The following AGAP1 variants were observed in gnomAD, a reference collection of about 807,000 sequenced individuals.
AGAP1 encodes the protein arf-GAP with GTPase, ANK repeat and PH domain-containing protein 1.
AGAP1 carries 29 observed loss-of-function variants against 105.3 expected under a neutral mutation model. The observed-to-expected ratio is 0.28, with a 90% CI of 0.21 to 0.38. The LOEUF (loss-of-function observed/expected upper bound fraction) is 0.38, where lower values mean the gene tolerates loss of function less well. Ranked by LOEUF, AGAP1 falls within the 10% of genes least tolerant of loss-of-function variation. The probability of loss-of-function intolerance (pLI) is 1.00; values close to 1 mark genes in which losing one functional copy is unlikely to be tolerated. For synonymous variants in AGAP1, 509 were observed against 485.9 expected (o/e 1.05, Z -0.63); for missense variants, 998 against 1,165.1 (o/e 0.86, Z 2.09).
rs1331325089 is a variant in AGAP1, at chr2:235,855,982, C to T, written c.1051-27363C>T. Among the ~76,000 whole-genome samples, 1 of 152,112 alleles carries T rather than the reference C, an allele frequency of 6.6e-6. No individual in the cohort carries two copies. Among genetic ancestry groups the T allele is most frequent in the African/African-American group, 2.4e-5 (1 of 41,476 alleles). On this transcript the variant is annotated intron_variant, in intron 9 of 17. Coordinates refer to ENST00000304032, the MANE Select transcript of AGAP1 (RefSeq NM_001037131.3). The surrounding 1 kb of genome is among the most constrained non-coding windows in gnomAD (Gnocchi z 5.0). ...AGGCTGGAGTGCAATGGCATGATCT[C>T]GGCTCACTGCAACTTCTGCCTCCTG...
rs1234195916 is a variant in AGAP1, at chr2:235,741,650, G to A, written c.396+602G>A. Among the ~76,000 whole-genome samples, 1 of 151,932 alleles carries A rather than the reference G, an allele frequency of 6.6e-6. No homozygotes were observed. The highest frequency in any genetic ancestry group is 2.4e-5 in the African/African-American group (1 of 41,386). Reference sequence around the variant, plus strand: ...TCTCTTTTTTTGGTTTATTTAACCTGCTTTGTTTTACTTACAGCATAATTT... The same window carrying A: ...TCTCTTTTTTTGGTTTATTTAACCTACTTTGTTTTACTTACAGCATAATTT... On this transcript the variant is annotated intron_variant, in intron 4 of 17. Coordinates refer to ENST00000304032, the MANE Select transcript of AGAP1 (RefSeq NM_001037131.3). The surrounding 1 kb of genome is among the most constrained non-coding windows in gnomAD (Gnocchi z 4.9).
rs200021991 is a variant in AGAP1, at chr2:235,962,046, G to T, written c.1484-6416G>T. ...CTTCTGATGGATGCTTTTGGTTTTTGGTTTTGTTTTGTTTTGTTTTGTTTT... is the reference window on the plus strand; with the variant it reads ...CTTCTGATGGATGCTTTTGGTTTTTTGTTTTGTTTTGTTTTGTTTTGTTTT... On this transcript the variant is annotated intron_variant, in intron 12 of 17. Transcript: ENST00000304032. This position sits in a 1 kb window ranked among gnomAD's most constrained non-coding sequence, Gnocchi z 5.3. Among the ~76,000 whole-genome samples the T allele has an allele frequency of 1.3e-5, 2 of 150,528 alleles. No individual in the cohort carries two copies. The highest frequency in any genetic ancestry group is 6.6e-5 in the Admixed American group (1 of 15,142).
intron 9 of AGAP1, among the ~76,000 whole-genome samples, chr2:235,825,126 A>C (rs997221049): frequency 2.0e-5 from 3 of 152,276 alleles, no homozygotes; most frequent in Non-Finnish European, 4.4e-5. Context: ...TTGAGTGTGG[A>C]TAGAAGGAGA....
chr2:235,510,750 C>T (rs1221922135), intron 1 of AGAP1, among the ~76,000 whole-genome samples: 2 of 152,182 alleles, frequency 1.3e-5, no homozygotes, highest in Non-Finnish European at 2.9e-5. Context: ...CATTTGCCCT[C>T]TGTGTCTCTT....
chr2:236,099,889 A>G (rs1352158671), intron 16 of AGAP1, among the ~76,000 whole-genome samples: 5 of 151,986 alleles, frequency 3.3e-5, no homozygotes, highest in Non-Finnish European at 7.4e-5. Context: ...AAAATACAAA[A>G]ATTACCCAAG....
intron 11 of AGAP1, among the ~76,000 whole-genome samples, chr2:235,926,838 A>T (rs1251393529): frequency 6.6e-6 from 1 of 152,196 alleles, no homozygotes; most frequent in South Asian, 2.1e-4. Flanking sequence ...ACCCACTCAG[A>T]TCCTTCAGAC....
intron 9 of AGAP1, among the ~76,000 whole-genome samples, chr2:235,831,795 A>G (rs1302174429): frequency 6.6e-6 from 1 of 152,154 alleles, no homozygotes; most frequent in Non-Finnish European, 1.5e-5. Context: ...TTTTGTGTGG[A>G]CCTAAGTTTT....
At chr2:235,722,472 G>T (rs1482813748) in intron 3 of AGAP1, among the ~76,000 whole-genome samples, 2 of 152,186 alleles carry the variant, frequency 1.3e-5, no homozygotes, top group African/African-American at 4.8e-5. Flanking sequence ...TGTCTTCAGG[G>T]GAGAGCTTCT....
intron 12 of AGAP1, among the ~76,000 whole-genome samples, chr2:235,939,201 C>G (rs182795024): frequency 8.5e-5 from 13 of 152,300 alleles, no homozygotes; most frequent in Admixed American, 3.3e-4. Flanking sequence ...GCCTTCTCCT[C>G]TGGCATCTCT....
intron 12 of AGAP1, among the ~76,000 whole-genome samples, chr2:235,954,647 G>A (rs557815854): frequency 7.3e-5 from 11 of 151,112 alleles, no homozygotes; most frequent in Non-Finnish European, 1.5e-4. Context: ...AGGAACAAGG[G>A]GAGCTTCAGC....
At chr2:235,688,763 G>T (rs1392080675) in intron 1 of AGAP1, among the ~76,000 whole-genome samples, 1 of 152,214 alleles carries the variant, frequency 6.6e-6, no homozygotes, top group Non-Finnish European at 1.5e-5. Context: ...GAGCATTGGG[G>T]TGCTTTGGTG....
At position 235,962,410 on chromosome 2, in the gene AGAP1, T is replaced by C. The variant is rs1224194889; in HGVS notation, c.1484-6052T>C. On this transcript the variant is annotated intron_variant, in intron 12 of 17. Transcript: ENST00000304032. The surrounding 1 kb of genome is among the most constrained non-coding windows in gnomAD (Gnocchi z 5.3). ...TTACAAGGGTGAGTTTCAAGTCGTGTGCGATGCTGCCCGGCTGTATAAGAA... is the reference window on the plus strand; with the variant it reads ...TTACAAGGGTGAGTTTCAAGTCGTGCGCGATGCTGCCCGGCTGTATAAGAA... Among the ~76,000 whole-genome samples the C allele has an allele frequency of 1.3e-5, 2 of 152,068 alleles. No homozygotes were observed. The highest frequency in any genetic ancestry group is 4.8e-5 in the African/African-American group (2 of 41,418).
rs1055513291 is a variant in AGAP1, at chr2:236,119,600, C to T, written c.2115-592C>T. On this transcript the variant is annotated intron_variant, in intron 16 of 17. Coordinates refer to ENST00000304032, the MANE Select transcript of AGAP1 (RefSeq NM_001037131.3). The surrounding 1 kb of genome is among the most constrained non-coding windows in gnomAD (Gnocchi z 6.6). ...CCCCCCACCCCCGGCCCAGCTCCAG[C>T]CAAGTGTCCTATAGCCCTCACTTAC... Among the ~76,000 whole-genome samples, 9 of 144,996 alleles carry T rather than the reference C, an allele frequency of 6.2e-5. No homozygotes were observed. Among genetic ancestry groups the T allele is most frequent in the Admixed American group, 4.8e-4 (7 of 14,616 alleles).
chr2:235,567,177 G>T (rs536557821), intron 1 of AGAP1, among the ~76,000 whole-genome samples: 1 of 152,368 alleles, frequency 6.6e-6, no homozygotes, highest in South Asian at 2.1e-4. Flanking sequence ...CCAGCGGGCA[G>T]CCCTTGGCAG....
intron 12 of AGAP1, among the ~76,000 whole-genome samples, chr2:235,939,813 A>G (rs1302746014): frequency 2.0e-5 from 3 of 151,918 alleles, no homozygotes; most frequent in African/African-American, 7.3e-5. Flanking sequence ...CCCCTGTGTC[A>G]TCCTCCTTTA....
At chr2:235,525,097 T>C (rs772906543) in intron 1 of AGAP1, among the ~76,000 whole-genome samples, 1 of 152,358 alleles carries the variant, frequency 6.6e-6, no homozygotes, top group Admixed American at 6.5e-5. Context: ...TGAGATTGAT[T>C]ACTTTCATTT....
intron 10 of AGAP1, among the ~76,000 whole-genome samples, chr2:235,899,381 C>T (rs923707781): frequency 6.6e-6 from 1 of 152,140 alleles, no homozygotes; most frequent in Non-Finnish European, 1.5e-5. Context: ...GGCATGGTTG[C>T]AGGCGCCTGT....
chr2:236,059,642 C>T (rs911389841), intron 16 of AGAP1, among the ~76,000 whole-genome samples: 6 of 152,084 alleles, frequency 3.9e-5, no homozygotes, highest in Admixed American at 1.3e-4. Flanking sequence ...GAAGCGGAAT[C>T]GAGAGTCCAG....
Position 235,927,705 on chromosome 2 carries a change from T to C in AGAP1, c.1325-3060T>C, listed in dbSNP as rs181801791. On this transcript the variant is annotated intron_variant, in intron 11 of 17. Coordinates refer to ENST00000304032, the MANE Select transcript of AGAP1 (RefSeq NM_001037131.3). This position sits in a 1 kb window ranked among gnomAD's most constrained non-coding sequence, Gnocchi z 4.4. The stretch of plus-strand genomic sequence containing the variant: ...GTCAGTGATGGATGCACTGAAATAC[T>C]GTCCTCTGCCTTTTAAAGGAAATTG... Among the ~76,000 whole-genome samples, 1 of 152,356 alleles carries C rather than the reference T, an allele frequency of 6.6e-6. No individual in the cohort carries two copies. The highest frequency in any genetic ancestry group is 1.5e-5 in the Non-Finnish European group (1 of 68,040).
Sources: gnomAD v4.1 joint callset for allele counts (sites outside exome capture counted in the v4.1 genomes callset) on GRCh38, gnomAD v4.1.1 for gene constraint, Gnocchi (gnomAD v3.1) non-coding constraint, MANE v1.5 for transcripts, NCBI Gene and HGNC (gene_info 2026-07-23, HGNC 2026-07-21) for gene names.